The following HCLS1 variants were observed in gnomAD, a reference collection of about 807,000 sequenced individuals.
HCLS1 encodes hematopoietic cell-specific Lyn substrate 1.
Under a neutral mutation model 68.6 loss-of-function variants are expected in HCLS1, and 44 were observed. The ratio of observed to expected loss-of-function variants is 0.64; its 90% CI spans 0.50 to 0.82. The LOEUF is 0.82. Ranked by LOEUF, HCLS1 falls within the 40% of genes least tolerant of loss-of-function variation. The pLI is 0.00. For missense variants in HCLS1, 602 were observed against 612.1 expected, an observed-to-expected ratio of 0.98 and a Z score of 0.17; for synonymous variants, 217 against 225.8, an observed-to-expected ratio of 0.96 and a Z score of 0.35.
At position 121,649,174 on chromosome 3, in the gene HCLS1, T is replaced by C. The variant is rs979556753; in HGVS notation, c.159-1726A>G. Among the ~76,000 whole-genome samples, 6 of 152,174 alleles carry C rather than the reference T, an allele frequency of 3.9e-5. No homozygotes were observed. The East Asian group carries it at 5.8e-4, about 15-fold the overall frequency. The stretch of plus-strand genomic sequence containing the variant: ...CAATGATATAATTTGAATGAAATTG[T>C]TGAGGCCCAAAGAAAACAGACTTCT... On this transcript the variant is annotated intron_variant, in intron 3 of 13. Coordinates refer to ENST00000314583, the MANE Select transcript of HCLS1 (RefSeq NM_005335.6).
chr3:121,650,972 C>A (rs1219900484), intron 3 of HCLS1, among the ~76,000 whole-genome samples: 3 of 152,074 alleles, frequency 2.0e-5, no homozygotes, highest in Admixed American at 2.0e-4. Context: ...CCCGTCTCTA[C>A]CAAAAATACA....
chr3:121,644,316 G>A (rs988686372), intron 5 of HCLS1: 1 of 216,642 alleles, frequency 4.6e-6, no homozygotes, highest in African/African-American at 2.3e-5. Flanking sequence ...ATTTTGTTTT[G>A]TTTTGTACAA....
chr3:121,647,947 G>A (rs554614735), intron 3 of HCLS1, among the ~76,000 whole-genome samples: 1 of 152,256 alleles, frequency 6.6e-6, no homozygotes, highest in African/African-American at 2.4e-5. Flanking sequence ...ACTCATTGAA[G>A]CATCGTATAT....
At chr3:121,633,869 C>T (rs2049122616) in intron 10 of HCLS1, among the ~76,000 whole-genome samples, 1 of 152,198 alleles carries the variant, frequency 6.6e-6, no homozygotes, top group Non-Finnish European at 1.5e-5. Flanking sequence ...ACCAGGAACA[C>T]CCTCTCCCAC....
rs369323617 is a variant in HCLS1, at chr3:121,658,247, G to A, written c.84+17C>T. On this transcript the variant is annotated intron_variant, in intron 2 of 13. Coordinates refer to ENST00000314583, the MANE Select transcript of HCLS1 (RefSeq NM_005335.6). ...CCACCCTCTGCACTGTCCAAGCAAA[G>A]CTACTTCCAAACTCACCACAAAGTC... 3.4e-5 allele frequency: 55 copies of A among 1,603,598 alleles called. No individual in the cohort carries two copies. In the African/African-American group the frequency reaches 6.2e-4, roughly 18 times the overall value.
chr3:121,644,314 T>A (rs1233975558), intron 5 of HCLS1: 1 of 213,734 alleles, frequency 4.7e-6, no homozygotes, highest in Non-Finnish European at 9.8e-6. Context: ...ACATTTTGTT[T>A]TGTTTTGTAC....
At chr3:121,660,006 G>A (rs545068088) in intron 1 of HCLS1, among the ~76,000 whole-genome samples, 39 of 152,242 alleles carry the variant, frequency 2.6e-4, no homozygotes, top group Middle Eastern at 3.4e-3. Flanking sequence ...CTATCTAGAG[G>A]TGAGAACCAG....
intron 3 of HCLS1, among the ~76,000 whole-genome samples, chr3:121,653,365 T>G (rs1244869567): frequency 6.6e-6 from 1 of 152,242 alleles, no homozygotes; most frequent in African/African-American, 2.4e-5. Context: ...CTCTGTATCC[T>G]CGGACAAATT....
At chr3:121,634,069 C>T in intron 10 of HCLS1, 138 bp downstream of exon 10, 1 of 1,448,034 alleles carries the variant, frequency 6.9e-7, no homozygotes, top group African/African-American at 1.4e-5. Context: ...AGACTGAAGT[C>T]TTCTAAAGAC....
intron 3 of HCLS1, among the ~76,000 whole-genome samples, chr3:121,652,069 A>G (rs1233008622): frequency 1.3e-5 from 2 of 152,198 alleles, no homozygotes; most frequent in Admixed American, 1.3e-4. Flanking sequence ...ATAAAAGAAC[A>G]AAAGACTTAT....
intron 6 of HCLS1, among the ~76,000 whole-genome samples, chr3:121,641,506 A>T (rs1274202613): frequency 6.6e-6 from 1 of 152,242 alleles, no homozygotes; most frequent in Admixed American, 6.5e-5. Context: ...TTAAATAAGC[A>T]TTTACTAAGT....
At chr3:121,648,493 T>G (rs1359709285) in intron 3 of HCLS1, among the ~76,000 whole-genome samples, 1 of 152,080 alleles carries the variant, frequency 6.6e-6, no homozygotes, top group African/African-American at 2.4e-5. Context: ...CTTGGAAACA[T>G]TTGGGCAAGA....
At chr3:121,639,623 G>A (rs2049179814) in intron 6 of HCLS1, among the ~76,000 whole-genome samples, 1 of 152,044 alleles carries the variant, frequency 6.6e-6, no homozygotes, top group Admixed American at 6.6e-5. Flanking sequence ...ATCATGGCTT[G>A]CTGCAGCCTC....
intron 3 of HCLS1, among the ~76,000 whole-genome samples, chr3:121,655,796 T>C (rs915113598): frequency 6.7e-6 from 1 of 149,436 alleles, no homozygotes; most frequent in African/African-American, 2.5e-5. Flanking sequence ...TTAAGAATAA[T>C]ATTCATTATA....
At chr3:121,633,280 ATCTCAGCTCATTGCAACCTCCGCC>A (rs1268010094) in intron 10 of HCLS1, 109 bp from the exon 11 acceptor site, 1 of 674,848 alleles carries the variant, frequency 1.5e-6, no homozygotes, top group African/African-American at 1.8e-5. Flanking sequence ...CAGTGGTGCG[ATCTCAGCTCATTGCAACCTCCGCC>A]TCCCAGGTTC....
At position 121,633,054 on chromosome 3, in the gene HCLS1, G is replaced by T; in HGVS notation, c.1008+13C>A. 4.5e-6 allele frequency: 7 copies of T among 1,561,126 alleles called. No homozygotes were observed. Among genetic ancestry groups the T allele is most frequent in the Non-Finnish European group, 6.2e-6 (7 of 1,132,920 alleles). Reference sequence around the variant, plus strand: ...ATGGGGTGGGGGCAGAGAATCTTTGGGGGTTTGCTTACCTCCGGGAGAGTC... The same window carrying T: ...ATGGGGTGGGGGCAGAGAATCTTTGTGGGTTTGCTTACCTCCGGGAGAGTC... On this transcript the variant is annotated intron_variant, in intron 11 of 13. Coordinates refer to ENST00000314583, the MANE Select transcript of HCLS1 (RefSeq NM_005335.6).
In HCLS1 at chr3:121,637,239, C is replaced by T. The variant is rs2049158545; in HGVS notation, c.472G>A (p.Gly158Ser). 19 of 1,613,602 alleles carry T rather than the reference C, an allele frequency of 1.2e-5. No individual in the cohort carries two copies. Among genetic ancestry groups the T allele is most frequent in the African/African-American group, 2.7e-5 (2 of 74,884 alleles). Residue 158 changes from glycine to serine, a missense_variant, in exon 7 of 14, where the codon GGT becomes AGT. By Grantham distance (56) the Gly-to-Ser change is moderately conservative (BLOSUM62 0). Coordinates refer to ENST00000314583, the MANE Select transcript of HCLS1 (RefSeq NM_005335.6). The stretch of plus-strand genomic sequence containing the variant: ...TCCTTCTCCACCCCGTACCGGCCAC[C>T]AAAGCCACGAGAGTAATCTGTGGTC... ...TSQKDYSRGF[G>S]GRYGVEKDKW...
At chr3:121,633,220 C>T (rs767833433) in intron 10 of HCLS1, 49 bp from the exon 11 acceptor site, 122 of 1,231,434 alleles carry the variant, frequency 9.9e-5, no homozygotes, top group Middle Eastern at 4.1e-4. Flanking sequence ...CATCTTCACT[C>T]CTTTTTTTTT....
rs1271460421 is a variant in HCLS1 at position 121,632,194 on chromosome 3, G to A, written c.1241-10C>T. On this transcript the variant is annotated splice_polypyrimidine_tract_variant and intron_variant, in intron 12 of 13. Transcript: ENST00000314583. ...GGGCAGCCTGATGATCCTGCATAAT[G>A]AGAAACACAAACATGGGATCATCAA... 5.6e-6 allele frequency: 9 copies of A among 1,613,402 alleles called. No homozygotes were observed. Among genetic ancestry groups the A allele is most frequent in the African/African-American group, 4.0e-5 (3 of 74,876 alleles).
Sources: gnomAD v4.1 joint callset for allele counts (sites outside exome capture counted in the v4.1 genomes callset) on GRCh38, gnomAD v4.1.1 for gene constraint, MANE v1.5 for transcripts, NCBI Gene and HGNC (gene_info 2026-07-23, HGNC 2026-07-21) for gene names.